Variants in FSTL5 observed in about 807,000 individuals in gnomAD.
The protein encoded by FSTL5 is follistatin like 5.
Under a neutral mutation model 89.1 loss-of-function variants are expected in FSTL5, and 62 were observed. The observed-to-expected ratio is 0.70, with a 90% CI of 0.57 to 0.86. FSTL5 has a LOEUF of 0.86. FSTL5 is among the 40% of genes least tolerant of loss of function. The pLI, the probability that FSTL5 is intolerant of heterozygous loss-of-function variation, is 0.00. For synonymous variants in FSTL5, 383 were observed against 346.2 expected, an observed-to-expected ratio of 1.11 and a Z score of -1.18; for missense variants, 1,057 against 1,001.6, an observed-to-expected ratio of 1.06 and a Z score of -0.75.
intron 15 of FSTL5, among the ~76,000 whole-genome samples, chr4:161,422,778 A>T (rs964768441): frequency 6.7e-6 from 1 of 148,184 alleles, no homozygotes; most frequent in Non-Finnish European, 1.5e-5. Context: ...ACCACAATGC[A>T]TCACATTTCT....
intron 1 of FSTL5, among the ~76,000 whole-genome samples, chr4:162,136,271 T>G (rs1353010616): frequency 6.6e-6 from 1 of 152,112 alleles, no homozygotes; most frequent in African/African-American, 2.4e-5. Flanking sequence ...TCTTTAGGAA[T>G]AGTCATACCG....
chr4:162,033,558 A>G (rs1302593106), intron 3 of FSTL5, 67 bp downstream of exon 3: 24 of 784,214 alleles, frequency 3.1e-5, no homozygotes, highest in Non-Finnish European at 4.3e-5. Flanking sequence ...TCAAAGTAGC[A>G]TCACATATCT....
intron 7 of FSTL5, among the ~76,000 whole-genome samples, chr4:161,615,526 C>T (rs17504151): frequency 0.019 from 2,802 of 150,654 alleles, 46 homozygotes; most frequent in South Asian, 0.048. Flanking sequence ...AATTTATGTA[C>T]AACTCTACAA....
intron 3 of FSTL5, among the ~76,000 whole-genome samples, chr4:161,984,362 C>A (rs1263021102): frequency 6.6e-6 from 1 of 151,812 alleles, no homozygotes; most frequent in African/African-American, 2.4e-5. Context: ...TATTTTTGTA[C>A]ATAAATTATA....
intron 7 of FSTL5, among the ~76,000 whole-genome samples, chr4:161,631,594 A>G (rs1004841565): frequency 6.6e-6 from 1 of 152,074 alleles, no homozygotes; most frequent in Non-Finnish European, 1.5e-5. Context: ...TCCAGACTGG[A>G]CGAAATAGTG....
chr4:161,385,596 T>G lies in FSTL5; in HGVS notation c.*151A>C, dbSNP rs1472344708. 1 of 595,574 alleles carries G rather than the reference T, an allele frequency of 1.7e-6. No individual in the cohort carries two copies. Among genetic ancestry groups the G allele is most frequent in the East Asian group, 2.8e-5 (1 of 35,792 alleles). 36.9% of individuals were successfully genotyped at this position (595,574 alleles called of 1,614,324 possible). ...AATTAATTGTGTATGTCTTAGTCAC[T>G]TAGTCAAAAACAATTTATTTTATTT... On this transcript the variant is annotated 3_prime_UTR_variant, in exon 16 of 16. Coordinates refer to ENST00000306100, the MANE Select transcript of FSTL5 (RefSeq NM_020116.5).
At chr4:161,531,400 T>C (rs1731407070) in intron 10 of FSTL5, among the ~76,000 whole-genome samples, 1 of 152,172 alleles carries the variant, frequency 6.6e-6, no homozygotes, top group African/African-American at 2.4e-5. Flanking sequence ...ACTCCGAAGC[T>C]GTATCCAGAC....
chr4:161,412,282 C>G (rs928471834), intron 15 of FSTL5, among the ~76,000 whole-genome samples: 3 of 152,014 alleles, frequency 2.0e-5, no homozygotes, highest in East Asian at 3.9e-4. Flanking sequence ...TTTACAAATG[C>G]AATGCCATTC....
At chr4:161,679,814 G>A (rs1407697240) in intron 6 of FSTL5, among the ~76,000 whole-genome samples, 1 of 151,734 alleles carries the variant, frequency 6.6e-6, no homozygotes, top group African/African-American at 2.4e-5. Context: ...TCTCACGTGT[G>A]TAATCAATTT....
At chr4:161,551,101 T>C (rs938193652) in intron 8 of FSTL5, among the ~76,000 whole-genome samples, 2 of 151,978 alleles carry the variant, frequency 1.3e-5, no homozygotes, top group Non-Finnish European at 2.9e-5. Context: ...ATATATCCAG[T>C]AATGGGATGG....
chr4:161,661,535 CAT>C (rs1285809395), intron 6 of FSTL5, among the ~76,000 whole-genome samples: 1 of 152,018 alleles, frequency 6.6e-6, no homozygotes, highest in African/African-American at 2.4e-5. Flanking sequence ...TAGTTATTCT[CAT>C]ATAAGATAAC....
rs190458455 is a variant in FSTL5, at chr4:162,066,542, C to T, written c.127-32884G>A. 2.0e-4 allele frequency among the ~76,000 whole-genome samples: 30 copies of T among 150,740 alleles called. No homozygotes were observed. In the East Asian group the frequency reaches 3.5e-3, roughly 18 times the overall value. On this transcript the variant is annotated intron_variant, in intron 2 of 15. Coordinates refer to ENST00000306100, the MANE Select transcript of FSTL5 (RefSeq NM_020116.5). ...AATCCATGATCTAGGTTTTATGCCC[C>T]GCACGCATTAGGTATTTGTCCTAAT...
chr4:161,594,066 T>G (rs952866318), intron 7 of FSTL5, among the ~76,000 whole-genome samples: 2 of 152,090 alleles, frequency 1.3e-5, no homozygotes, highest in African/African-American at 4.8e-5. Flanking sequence ...GTTAAGAGTA[T>G]TTTTAGAAAG....
At chr4:161,588,450 C>A (rs536677579) in intron 7 of FSTL5, among the ~76,000 whole-genome samples, 2 of 151,644 alleles carry the variant, frequency 1.3e-5, no homozygotes, top group African/African-American at 2.4e-5. Flanking sequence ...ATAACCATAC[C>A]ACTTCAAAAT....
chr4:161,555,400 C>A (rs549570000), intron 8 of FSTL5, among the ~76,000 whole-genome samples: 1 of 151,136 alleles, frequency 6.6e-6, no homozygotes, highest in Non-Finnish European at 1.5e-5. Context: ...TTTCTCTAAA[C>A]CTAAAGAAAA....
intron 6 of FSTL5, among the ~76,000 whole-genome samples, chr4:161,682,434 G>A (rs1446648698): frequency 6.6e-6 from 1 of 152,032 alleles, no homozygotes; most frequent in Non-Finnish European, 1.5e-5. Flanking sequence ...CAAACACATT[G>A]TACAGCTGCA....
chr4:161,818,152 G>A lies in FSTL5; in HGVS notation c.410-42078C>T, dbSNP rs72979176. ...CAGGCAGCTGGACATCAAGAAGAATGCAACGACAGGCACCAGCACACCCGC... is the reference window on the plus strand; with the variant it reads ...CAGGCAGCTGGACATCAAGAAGAATACAACGACAGGCACCAGCACACCCGC... On this transcript the variant is annotated intron_variant, in intron 4 of 15. Transcript: ENST00000306100. Among the ~76,000 whole-genome samples, 884 of 152,278 alleles carry A rather than the reference G, an allele frequency of 5.8e-3. 10 individuals are homozygous for A. The highest frequency in any genetic ancestry group is 0.02 in the African/African-American group (821 of 41,570).
At chr4:161,652,253 C>T (rs1736366929) in intron 7 of FSTL5, among the ~76,000 whole-genome samples, 1 of 151,938 alleles carries the variant, frequency 6.6e-6, no homozygotes, top group Admixed American at 6.6e-5. Context: ...CCTGGCCAGC[C>T]CAGAAACCCC....
intron 3 of FSTL5, among the ~76,000 whole-genome samples, chr4:161,966,437 AT>A (rs781286856): frequency 6.6e-6 from 1 of 152,140 alleles, no homozygotes; most frequent in African/African-American, 2.4e-5. Context: ...GCTGAATTGC[AT>A]TCCTCAAATG....
Sources: gnomAD v4.1 joint callset for allele counts (sites outside exome capture counted in the v4.1 genomes callset) on GRCh38, gnomAD v4.1.1 for gene constraint, MANE v1.5 for transcripts, NCBI Gene and HGNC (gene_info 2026-07-23, HGNC 2026-07-21) for gene names.